The following DGKB variants were observed in gnomAD, a reference collection of about 807,000 sequenced individuals.
DGKB encodes diacylglycerol kinase beta.
Under a neutral mutation model 114.3 loss-of-function variants are expected in DGKB, and 67 were observed. The observed-to-expected ratio is 0.59, with a 90% CI of 0.48 to 0.72. DGKB has a LOEUF of 0.72. Ranked by LOEUF, DGKB falls within the 30% of genes least tolerant of loss-of-function variation. The pLI, the probability that DGKB is intolerant of heterozygous loss-of-function variation, is 0.00. For synonymous variants in DGKB, 398 were observed against 323.1 expected, an observed-to-expected ratio of 1.23 and a Z score of -2.49; for missense variants, 907 against 975.2, an observed-to-expected ratio of 0.93 and a Z score of 0.93.
intron 1 of DGKB, among the ~76,000 whole-genome samples, chr7:14,873,584 A>T (rs1243409003): frequency 6.6e-6 from 1 of 152,004 alleles, no homozygotes; most frequent in East Asian, 1.9e-4. Context: ...AATCAAAAGA[A>T]TAAAGATAAA....
At chr7:14,858,203 A>T (rs1161422286) in intron 1 of DGKB, among the ~76,000 whole-genome samples, 2 of 152,172 alleles carry the variant, frequency 1.3e-5, no homozygotes, top group Non-Finnish European at 2.9e-5. Context: ...TTTGCTTTAA[A>T]TTGCCACAAT....
At chr7:14,661,425 A>T (rs1360039658) in intron 13 of DGKB, among the ~76,000 whole-genome samples, 14 of 139,842 alleles carry the variant, frequency 1.0e-4, no homozygotes, top group Admixed American at 8.3e-4. Context: ...AAAAGAAGAC[A>T]TTTATGCAGC....
chr7:14,466,256 T>C (rs1252153046), intron 21 of DGKB, among the ~76,000 whole-genome samples: 2 of 152,110 alleles, frequency 1.3e-5, no homozygotes, highest in Admixed American at 6.5e-5. Context: ...CTTTGGACCA[T>C]ACTTAAAATA....
chr7:14,273,600 G>A (rs374546684), intron 23 of DGKB, among the ~76,000 whole-genome samples: 6 of 152,180 alleles, frequency 3.9e-5, no homozygotes, highest in South Asian at 4.1e-4. Context: ...GAATAATTTG[G>A]GATATTAGTT....
chr7:14,846,318 T>C (rs903451540), intron 1 of DGKB, among the ~76,000 whole-genome samples: 1 of 152,220 alleles, frequency 6.6e-6, no homozygotes, highest in Admixed American at 6.5e-5. Flanking sequence ...CTCATAGTTC[T>C]AACCCTCATC....
intron 4 of DGKB, among the ~76,000 whole-genome samples, chr7:14,753,633 A>G (rs1036813433): frequency 1.3e-5 from 2 of 152,222 alleles, no homozygotes. Context: ...AGCCTTATAT[A>G]TCTTCATGAA....
intron 17 of DGKB, among the ~76,000 whole-genome samples, chr7:14,607,024 C>T (rs981435360): frequency 2.6e-5 from 4 of 151,790 alleles, no homozygotes; most frequent in Non-Finnish European, 5.9e-5. Context: ...TAATGGAACA[C>T]TAGGCATAAA....
intron 21 of DGKB, among the ~76,000 whole-genome samples, chr7:14,444,444 C>A (rs184504802): frequency 3.3e-5 from 5 of 151,682 alleles, no homozygotes; most frequent in Admixed American, 6.6e-5. Context: ...TAATAGTTGA[C>A]AAGTGTACAG....
At chr7:14,573,847 C>T (rs1431515) in intron 20 of DGKB, among the ~76,000 whole-genome samples, 76,471 of 151,684 alleles carry the variant, frequency 0.5, 19,381 homozygotes, top group East Asian at 0.6. Flanking sequence ...TAAAATTTAA[C>T]GCAATATTTT....
intron 23 of DGKB, among the ~76,000 whole-genome samples, chr7:14,233,024 G>A (rs1159459481): frequency 1.3e-5 from 2 of 152,032 alleles, no homozygotes; most frequent in African/African-American, 4.8e-5. Flanking sequence ...GCTACACAAA[G>A]ACTATTCAAG....
chr7:14,794,835 C>T (rs962957226), intron 2 of DGKB, among the ~76,000 whole-genome samples: 2 of 152,054 alleles, frequency 1.3e-5, no homozygotes, highest in African/African-American at 4.8e-5. Context: ...TCTTCATTAC[C>T]AGTAAAAGAG....
chr7:14,618,119 TAC>T (rs59901892), intron 15 of DGKB, among the ~76,000 whole-genome samples: 8,573 of 148,590 alleles, frequency 0.058, 429 homozygotes, highest in African/African-American at 0.14. Context: ...GCAAAGGACA[TAC>T]ACACACACAC....
chr7:14,645,738 G>C (rs751308223), intron 13 of DGKB, among the ~76,000 whole-genome samples: 1 of 151,096 alleles, frequency 6.6e-6, no homozygotes, highest in East Asian at 1.9e-4. Context: ...ACAATACCCA[G>C]CAAAGCTATC....
rs543511949 is a variant in DGKB at position 14,565,772 on chromosome 7, T to A, written c.1770+8440A>T. Reference sequence around the variant, plus strand: ...TAGTGTACTCATCTGTCTCTTATTTTACTAGAAGATATTCTAGGATGGTCT... The same window carrying A: ...TAGTGTACTCATCTGTCTCTTATTTAACTAGAAGATATTCTAGGATGGTCT... On this transcript the variant is annotated intron_variant, in intron 20 of 25. Transcript: ENST00000402815. 3.3e-5 allele frequency among the ~76,000 whole-genome samples: 5 copies of A among 152,290 alleles called. No individual in the cohort carries two copies. The South Asian group carries it at 1.0e-3, about 32-fold the overall frequency.
At chr7:14,586,165 C>A (rs10230921) in intron 17 of DGKB, among the ~76,000 whole-genome samples, 8,421 of 152,128 alleles carry the variant, frequency 0.055, 791 homozygotes, top group African/African-American at 0.19. Context: ...GTAAGCCAAG[C>A]TGTAAAAGCG....
intron 20 of DGKB, among the ~76,000 whole-genome samples, chr7:14,504,785 T>C (rs1329917697): frequency 6.6e-6 from 1 of 152,178 alleles, no homozygotes; most frequent in Non-Finnish European, 1.5e-5. Context: ...TAAATATTCT[T>C]ATAGGTATTT....
intron 19 of DGKB, among the ~76,000 whole-genome samples, chr7:14,578,164 G>T (rs1451225675): frequency 6.6e-6 from 1 of 152,096 alleles, no homozygotes; most frequent in Non-Finnish European, 1.5e-5. Context: ...TCTCTCACCT[G>T]CTGCCATGTA....
intron 21 of DGKB, among the ~76,000 whole-genome samples, chr7:14,451,730 T>C (rs529462604): frequency 6.6e-6 from 1 of 152,186 alleles, no homozygotes; most frequent in South Asian, 2.1e-4. Context: ...CCAGAACAAC[T>C]GGGTAGTTAC....
chr7:14,830,393 A>AT (rs1261029657), intron 2 of DGKB, among the ~76,000 whole-genome samples: 4 of 151,630 alleles, frequency 2.6e-5, no homozygotes, highest in African/African-American at 9.7e-5. Context: ...AAATTTCAAA[A>AT]AAAATACCAT....
Sources: gnomAD v4.1 joint callset for allele counts (sites outside exome capture counted in the v4.1 genomes callset) on GRCh38, gnomAD v4.1.1 for gene constraint, MANE v1.5 for transcripts, NCBI Gene and HGNC (gene_info 2026-07-23, HGNC 2026-07-21) for gene names.